The following CANX variants were observed in gnomAD, a reference collection of about 807,000 sequenced individuals.
The protein encoded by CANX is epididymis secretory sperm binding protein.
A neutral mutation model predicts 75.7 loss-of-function variants in CANX; 14 were observed. That is an observed-to-expected ratio of 0.19 (90% CI 0.12 to 0.29). The LOEUF is 0.29. Among genes scored for constraint, CANX ranks in the 10% least tolerant of loss-of-function variants. CANX has a pLI of 1.00. For synonymous variants in CANX, 227 were observed against 236.9 expected, an observed-to-expected ratio of 0.96 and a Z score of 0.38; for missense variants, 567 against 713.2, an observed-to-expected ratio of 0.79 and a Z score of 2.34.
At chr5:179,678,845 G>A (rs1581806962) in intron 1 of CANX, 1 of 1,536,868 alleles carries the variant, frequency 6.5e-7, no homozygotes, top group Non-Finnish European at 8.7e-7. Flanking sequence ...GCCCCAGGCG[G>A]TCCGCGAGAG....
In CANX at chr5:179,709,883, A is replaced by G. The variant is rs780479093; in HGVS notation, c.539A>G (p.His180Arg). 1.1e-5 allele frequency: 17 copies of G among 1,589,624 alleles called. No homozygotes were observed. The Admixed American group carries it at 1.3e-4, about 12-fold the overall frequency. ...TTTTTGTTTTTGAAGGATCAGTTCC[A>G]TGACAAGACCCCTTATACGATTATG... ...KTPELNLDQF[H>R]DKTPYTIMFG... is the part of the protein sequence containing the mutation. The change falls in exon 7 of 15, where the codon CAT becomes CGT. Residue 180 changes from histidine to arginine, a missense_variant. By Grantham distance (29) the His-to-Arg change is conservative. Coordinates refer to ENST00000247461, the MANE Select transcript of CANX (RefSeq NM_001746.4).
intron 14 of CANX, 77 bp downstream of exon 14, chr5:179,726,836 A>G (rs562443857): frequency 1.8e-6 from 2 of 1,092,460 alleles, no homozygotes; most frequent in African/African-American, 1.6e-5. Flanking sequence ...TTAATAGGGT[A>G]GTTTACAGTG....
chr5:179,717,790 A>G (rs1778055235), intron 8 of CANX, among the ~76,000 whole-genome samples: 1 of 151,338 alleles, frequency 6.6e-6, no homozygotes, highest in African/African-American at 2.4e-5. Flanking sequence ...ATCACGGCTC[A>G]CTGCAACCTC....
At chr5:179,706,907 TA>T in intron 3 of CANX, among the ~76,000 whole-genome samples, 1 of 152,234 alleles carries the variant, frequency 6.6e-6, no homozygotes, top group East Asian at 1.9e-4. Context: ...CTCTTGATGT[TA>T]AAACATCAGT....
intron 1 of CANX, chr5:179,678,920 G>A: frequency 1.3e-6 from 2 of 1,535,052 alleles, no homozygotes; most frequent in African/African-American, 2.7e-5. Flanking sequence ...GAACACGAAG[G>A]CCTGGTTGCT....
chr5:179,721,001 C>T (rs1175327148), intron 10 of CANX, among the ~76,000 whole-genome samples: 4 of 151,992 alleles, frequency 2.6e-5, no homozygotes, highest in Admixed American at 2.6e-4. Context: ...CCAGGCTGGT[C>T]TCGAACTCCT....
intron 7 of CANX, among the ~76,000 whole-genome samples, chr5:179,712,403 T>G (rs1434720627): frequency 6.6e-6 from 1 of 151,752 alleles, no homozygotes; most frequent in African/African-American, 2.4e-5. Context: ...GGCATGCCTC[T>G]TTCTGAAGAA....
At chr5:179,684,381 C>G (rs1776144162) in intron 1 of CANX, among the ~76,000 whole-genome samples, 2 of 150,316 alleles carry the variant, frequency 1.3e-5, no homozygotes, top group African/African-American at 2.4e-5. Context: ...CAGGGCCCAG[C>G]TAGTAAGCCT....
In CANX at chr5:179,686,789, T is replaced by G. The variant is rs116626255; in HGVS notation, c.-4+8012T>G. On this transcript the variant is annotated intron_variant, in intron 1 of 14. Coordinates refer to the CANX transcript ENST00000681674. ...TCAAATTGCAGTTTTTGTTTGTTTG[T>G]TTCTTTGAGACAGAGCTTTGCTCTT... 4.6e-3 allele frequency among the ~76,000 whole-genome samples: 701 copies of G among 152,118 alleles called. 5 individuals are homozygous for G. Among genetic ancestry groups the G allele is most frequent in the African/African-American group, 0.016 (658 of 41,488 alleles).
intron 5 of CANX, among the ~76,000 whole-genome samples, chr5:179,708,667 G>A (rs1777321476): frequency 6.6e-6 from 1 of 151,580 alleles, no homozygotes; most frequent in Non-Finnish European, 1.5e-5. Flanking sequence ...TACAAAACTA[G>A]TAATTAATAG....
At position 179,705,681 on chromosome 5, in the gene CANX, C is replaced by T; in HGVS notation, c.-1C>T. ...CTGATTTTGCTCTTTATGTGTAGATCATGGAAGGGAAGTGGTTGCTGTGTA... is the reference window on the plus strand; with the variant it reads ...CTGATTTTGCTCTTTATGTGTAGATTATGGAAGGGAAGTGGTTGCTGTGTA... On this transcript the variant is annotated splice_region_variant and 5_prime_UTR_variant, in exon 2 of 15. Coordinates refer to ENST00000247461, the MANE Select transcript of CANX (RefSeq NM_001746.4). 1 of 1,608,426 alleles carries T rather than the reference C, an allele frequency of 6.2e-7. No individual in the cohort carries two copies. The highest frequency in any genetic ancestry group is 8.5e-7 in the Non-Finnish European group (1 of 1,176,636).
At chr5:179,694,599 C>G, upstream of CANX, 1 of 986,350 alleles carries the variant, frequency 1.0e-6, no homozygotes, top group Admixed American at 1.7e-5. Flanking sequence ...CAGTGAAAAG[C>G]AGCCTTACAT....
chr5:179,705,739 G>A lies in CANX; in HGVS notation c.58G>A (p.Ala20Thr), dbSNP rs753869333. The change falls in exon 2 of 15, where the codon GCT (alanine) becomes ACT (threonine). Residue 20 changes from alanine (A) to threonine (T), a missense_variant. This residue lies in a region of CANX where 351 missense variants were observed against 433.8 expected (regional missense o/e 0.81). Transcript: ENST00000247461. ...LLVLGTAIVE[A>T]HDGHDDDVID... is the part of the protein sequence containing the mutation. ...GGTGCTTGGAACTGCTATTGTTGAG[G>A]CTCATGATGGACATGATGATGATGT... is the stretch of plus-strand genomic sequence containing the variant. 6.2e-7 allele frequency: 1 copy of A among 1,609,794 alleles called. No homozygotes were observed. Among genetic ancestry groups the A allele is most frequent in the African/African-American group, 1.3e-5 (1 of 74,814 alleles).
At chr5:179,712,663 G>C (rs1184469857) in intron 7 of CANX, among the ~76,000 whole-genome samples, 2 of 150,526 alleles carry the variant, frequency 1.3e-5, no homozygotes, top group African/African-American at 4.9e-5. Context: ...GACGTCAGGT[G>C]ATCTGCCCGC....
At chr5:179,708,006 T>C (rs1228255116) in intron 4 of CANX, among the ~76,000 whole-genome samples, 1 of 151,966 alleles carries the variant, frequency 6.6e-6, no homozygotes, top group Non-Finnish European at 1.5e-5. Flanking sequence ...CCGGCTAATT[T>C]TTGTGTTTTT....
At chr5:179,724,108 G>A (rs570032005) in intron 12 of CANX, among the ~76,000 whole-genome samples, 1 of 152,068 alleles carries the variant, frequency 6.6e-6, no homozygotes, top group South Asian at 2.1e-4. Flanking sequence ...TTGCCTGCTG[G>A]CATAGCTATT....
At chr5:179,710,313 G>T (rs1223762194) in intron 7 of CANX, among the ~76,000 whole-genome samples, 1 of 151,384 alleles carries the variant, frequency 6.6e-6, no homozygotes, top group East Asian at 1.9e-4. Context: ...ACCGAAGCTA[G>T]TTGGGAGGCT....
intron 7 of CANX, among the ~76,000 whole-genome samples, chr5:179,712,297 G>A (rs1777617250): frequency 1.3e-5 from 2 of 151,878 alleles, no homozygotes; most frequent in African/African-American, 4.8e-5. Flanking sequence ...TCCAATACCT[G>A]GACAATTGAC....
chr5:179,684,813 A>G (rs1776155267), intron 1 of CANX, among the ~76,000 whole-genome samples: 2 of 149,660 alleles, frequency 1.3e-5, no homozygotes, highest in African/African-American at 2.5e-5. Context: ...CTGGAGTGCA[A>G]TAGCATGATC....
Sources: gnomAD v4.1 joint callset for allele counts (sites outside exome capture counted in the v4.1 genomes callset) on GRCh38, gnomAD v4.1.1 for gene constraint, gnomAD v4.1.1 regional missense constraint, MANE v1.5 for transcripts, NCBI Gene and HGNC (gene_info 2026-07-23, HGNC 2026-07-21) for gene names.